MAPK8: variants seen among roughly 807,000 people sequenced by gnomAD.
MAPK8 encodes JUN N-terminal kinase.
A neutral mutation model predicts 52.9 loss-of-function variants in MAPK8; 13 were observed. That is an observed-to-expected ratio of 0.25 (90% CI 0.16 to 0.39). The LOEUF is 0.39. Ranked by LOEUF, MAPK8 falls within the 10% of genes least tolerant of loss-of-function variation. The pLI, the probability that MAPK8 is intolerant of heterozygous loss-of-function variation, is 1.00. For synonymous variants in MAPK8, 191 were observed against 169.8 expected, an observed-to-expected ratio of 1.12 and a Z score of -0.97; for missense variants, 300 against 519.2, an observed-to-expected ratio of 0.58 and a Z score of 4.10.
chr10:48,317,064 A>G (rs540293769), intron 1 of MAPK8, among the ~76,000 whole-genome samples: 3 of 152,324 alleles, frequency 2.0e-5, no homozygotes, highest in South Asian at 2.1e-4. Context: ...CATTTTATAC[A>G]TGAGGAAACA....
At position 48,435,292 on chromosome 10, in the gene MAPK8, T is replaced by C. The variant is rs1271539485; in HGVS notation, c.*263T>C. Reference sequence around the variant, plus strand: ...TGTAAACCTAATTATTTTATCATGGTTTAAATTTTTTGCATATTTGCTTTA... The same window carrying C: ...TGTAAACCTAATTATTTTATCATGGCTTAAATTTTTTGCATATTTGCTTTA... On this transcript the variant is annotated 3_prime_UTR_variant, in exon 12 of 12. Coordinates refer to ENST00000374189, the MANE Select transcript of MAPK8 (RefSeq NM_001323329.2). The C allele has an allele frequency of 3.0e-6, 1 of 333,750 alleles. No individual in the cohort carries two copies. The highest frequency in any genetic ancestry group is 4.8e-5 in the Admixed American group (1 of 21,050). The allele number at this position is 333,750 out of a possible 1,614,324, so 20.7% of individuals were successfully genotyped here. A position where few individuals can be genotyped will look rare whatever the true frequency, so the allele number is the denominator to read the frequency against.
chr10:48,322,053 G>A (rs1490595484), intron 1 of MAPK8, among the ~76,000 whole-genome samples: 1 of 152,226 alleles, frequency 6.6e-6, no homozygotes, highest in Admixed American at 6.5e-5. Flanking sequence ...AGTGGAGTAT[G>A]TTCCCTCTCA....
rs1588937148 is a variant in MAPK8 at position 48,322,840 on chromosome 10, A to G, written c.-50+16019A>G. On this transcript the variant is annotated intron_variant, in intron 1 of 11. Transcript: ENST00000374189. Reference sequence around the variant, plus strand: ...ATCTTGGTCTTCATGCTTTTTCACTACCTTGGCACTCTGATGCCCTCAAAC... The same window carrying G: ...ATCTTGGTCTTCATGCTTTTTCACTGCCTTGGCACTCTGATGCCCTCAAAC... Among the ~76,000 whole-genome samples, 4 of 152,154 alleles carry G rather than the reference A, an allele frequency of 2.6e-5. No homozygotes were observed. In the South Asian group the frequency reaches 8.3e-4, roughly 32 times the overall value.
chr10:48,312,316 T>G (rs1172332804), intron 1 of MAPK8, among the ~76,000 whole-genome samples: 1 of 152,246 alleles, frequency 6.6e-6, no homozygotes. Context: ...GAAAAGATGC[T>G]ACTCAGGTAC....
At chr10:48,317,907 T>G (rs1842655774) in intron 1 of MAPK8, among the ~76,000 whole-genome samples, 1 of 152,168 alleles carries the variant, frequency 6.6e-6, no homozygotes, top group African/African-American at 2.4e-5. Flanking sequence ...AAATCTTGAA[T>G]TTAAAGTGAT....
intron 1 of MAPK8, among the ~76,000 whole-genome samples, chr10:48,373,571 CAAAAAAAAAAAA>C (rs539162576): frequency 3.0e-4 from 5 of 16,842 alleles, no homozygotes; most frequent in African/African-American, 4.7e-4. Flanking sequence ...AAATTGAAAG[CAAAAAAAAAAAA>C]AAAAAAAAAA....
intron 11 of MAPK8, among the ~76,000 whole-genome samples, chr10:48,432,849 T>C (rs2044446166): frequency 6.6e-6 from 1 of 152,242 alleles, no homozygotes; most frequent in South Asian, 2.1e-4. Context: ...TTCTGGATCC[T>C]CAGTTATAGC....
At chr10:48,308,957 T>C (rs1399664796) in intron 1 of MAPK8, among the ~76,000 whole-genome samples, 3 of 152,216 alleles carry the variant, frequency 2.0e-5, no homozygotes, top group Non-Finnish European at 4.4e-5. Flanking sequence ...CTAATGAGTT[T>C]CTTATTATTT....
At chr10:48,328,181 T>C (rs1327276175) in intron 1 of MAPK8, among the ~76,000 whole-genome samples, 1 of 152,164 alleles carries the variant, frequency 6.6e-6, no homozygotes, top group Non-Finnish European at 1.5e-5. Flanking sequence ...CATGCCCAGC[T>C]AATTTTTGTA....
intron 1 of MAPK8, among the ~76,000 whole-genome samples, chr10:48,356,898 C>A (rs1361396968): frequency 8.2e-4 from 36 of 43,952 alleles, no homozygotes; most frequent in Admixed American, 1.7e-3. Flanking sequence ...ACGTAGTTTA[C>A]CAAAAAAAAA....
chr10:48,321,295 C>T (rs550975907), intron 1 of MAPK8, among the ~76,000 whole-genome samples: 1 of 151,850 alleles, frequency 6.6e-6, no homozygotes, highest in African/African-American at 2.4e-5. Context: ...CACTGTGCCG[C>T]CTAGGTGCTG....
intron 1 of MAPK8, chr10:48,308,248 C>G (rs977458395): frequency 6.6e-6 from 1 of 152,114 alleles, no homozygotes; most frequent in African/African-American, 2.4e-5. Flanking sequence ...GAGGGCAGGC[C>G]TGTCTTGCAT....
At chr10:48,338,333 A>G (rs537719902) in intron 1 of MAPK8, among the ~76,000 whole-genome samples, 8 of 152,294 alleles carry the variant, frequency 5.3e-5, no homozygotes, top group African/African-American at 1.9e-4. Context: ...CACCACATAA[A>G]CAGAATTAAA....
chr10:48,357,336 G>A (rs574168382), intron 1 of MAPK8, among the ~76,000 whole-genome samples: 3 of 152,202 alleles, frequency 2.0e-5, no homozygotes, highest in East Asian at 1.9e-4. Context: ...AGTAAATGCC[G>A]CTATCTTTAT....
At chr10:48,343,073 T>TA (rs1486542173) in intron 1 of MAPK8, among the ~76,000 whole-genome samples, 1 of 152,202 alleles carries the variant, frequency 6.6e-6, no homozygotes, top group Non-Finnish European at 1.5e-5. Flanking sequence ...TTAAAGAAGT[T>TA]ACCGTGTGTT....
intron 1 of MAPK8, among the ~76,000 whole-genome samples, chr10:48,397,947 A>C (rs952192738): frequency 6.6e-6 from 1 of 152,190 alleles, no homozygotes; most frequent in Non-Finnish European, 1.5e-5. Flanking sequence ...AGTATGTGAT[A>C]AATTTGTATA....
intron 1 of MAPK8, among the ~76,000 whole-genome samples, chr10:48,356,841 C>CAAAAAAAAAAAAAAAAAAA (rs869186711): frequency 2.6e-4 from 8 of 30,278 alleles, no homozygotes; most frequent in East Asian, 2.2e-3. Flanking sequence ...GACTCCGTCT[C>CAAAAAAAAAAAAAAAAAAA]AAAAAAAAAA....
intron 1 of MAPK8, among the ~76,000 whole-genome samples, chr10:48,338,987 A>G (rs1285148395): frequency 6.6e-6 from 1 of 152,114 alleles, no homozygotes; most frequent in Non-Finnish European, 1.5e-5. Flanking sequence ...AAGAATCAAC[A>G]TTGTTAAATG....
At chr10:48,429,502 T>C (rs897228822) in intron 10 of MAPK8, among the ~76,000 whole-genome samples, 2 of 152,230 alleles carry the variant, frequency 1.3e-5, no homozygotes, top group African/African-American at 2.4e-5. Context: ...GAAAGATTAA[T>C]TGCCAAAGCC....
Sources: gnomAD v4.1 joint callset for allele counts (sites outside exome capture counted in the v4.1 genomes callset) on GRCh38, gnomAD v4.1.1 for gene constraint, MANE v1.5 for transcripts, NCBI Gene and HGNC (gene_info 2026-07-23, HGNC 2026-07-21) for gene names.